Variants in RNF13 observed in about 807,000 individuals in gnomAD.
RNF13 encodes the protein E3 ubiquitin-protein ligase RNF13.
Under a neutral mutation model 37.7 loss-of-function variants are expected in RNF13, and 19 were observed. The observed-to-expected ratio is 0.50, with a 90% CI of 0.35 to 0.74. The LOEUF is 0.74. Ranked by LOEUF, RNF13 falls within the 30% of genes least tolerant of loss-of-function variation. The pLI is 0.01. For synonymous variants in RNF13, 144 were observed against 157.8 expected, an observed-to-expected ratio of 0.91 and a Z score of 0.65; for missense variants, 375 against 453.0, an observed-to-expected ratio of 0.83 and a Z score of 1.56.
At chr3:149,851,699 T>C (rs1020615252) in intron 2 of RNF13, 2 of 152,220 alleles carry the variant, frequency 1.3e-5, no homozygotes, top group Non-Finnish European at 1.5e-5. Flanking sequence ...TTTTCACTTG[T>C]GTTTCAAAAG....
rs908222205 is a variant in RNF13, at chr3:149,919,063, C to T, written c.607-2071C>T. Among the ~76,000 whole-genome samples the T allele has an allele frequency of 2.6e-4, 39 of 152,096 alleles. 2 individuals carry two copies. The Middle Eastern group carries it at 0.014, about 53-fold the overall frequency. On this transcript the variant is annotated intron_variant, in intron 7 of 9. Coordinates refer to ENST00000392894, the MANE Select transcript of RNF13 (RefSeq NM_183381.3). ...CTTCTGTGTAAATTTGCAATAATAA[C>T]TTTTACTTTCTTTTTCCTATTGATA...
intron 1 of RNF13, among the ~76,000 whole-genome samples, chr3:149,838,144 C>T (rs1241552402): frequency 1.3e-5 from 2 of 152,218 alleles, no homozygotes; most frequent in Non-Finnish European, 2.9e-5. Flanking sequence ...AGGTAGGTTC[C>T]TATGGTCTTG....
At chr3:149,937,050 A>G (rs1414404932) in intron 8 of RNF13, among the ~76,000 whole-genome samples, 3 of 152,156 alleles carry the variant, frequency 2.0e-5, no homozygotes, top group Non-Finnish European at 4.4e-5. Flanking sequence ...TTGTGCGCAG[A>G]GGACCCGTGG....
At chr3:149,832,890 C>T (rs925705996) in intron 1 of RNF13, among the ~76,000 whole-genome samples, 2 of 151,962 alleles carry the variant, frequency 1.3e-5, no homozygotes, top group Non-Finnish European at 2.9e-5. Flanking sequence ...CAAAAACATT[C>T]CAAGAAAGAA....
intron 6 of RNF13, among the ~76,000 whole-genome samples, chr3:149,906,236 G>A (rs1716381346): frequency 6.6e-6 from 1 of 152,012 alleles, no homozygotes; most frequent in South Asian, 2.1e-4. Flanking sequence ...ATCAGTTGAT[G>A]GATGGACATT....
At chr3:149,812,902 A>T (rs1420844253), upstream of RNF13, 1 of 152,510 alleles carries the variant, frequency 6.6e-6, no homozygotes, top group Non-Finnish European at 1.5e-5. Flanking sequence ...CTAGGGGCAC[A>T]TGGTTAGCGG....
intron 4 of RNF13, 30 bp downstream of exon 4, chr3:149,872,184 C>A: frequency 2.1e-6 from 3 of 1,425,426 alleles, no homozygotes; most frequent in South Asian, 2.7e-5. Context: ...TTTTTTGTTT[C>A]CTATTTGTTC....
chr3:149,951,348 G>A (rs770191327), intron 8 of RNF13, among the ~76,000 whole-genome samples: 6 of 152,168 alleles, frequency 3.9e-5, no homozygotes, highest in Non-Finnish European at 8.8e-5. Context: ...ATGCAAGTTG[G>A]GTGAGGAATT....
intron 1 of RNF13, among the ~76,000 whole-genome samples, chr3:149,831,135 G>C (rs1459139576): frequency 6.6e-6 from 1 of 152,248 alleles, no homozygotes; most frequent in South Asian, 2.1e-4. Context: ...CTTTGCTAGG[G>C]CAGTGTGGAA....
At chr3:149,881,298 C>A (rs1422966267) in intron 4 of RNF13, among the ~76,000 whole-genome samples, 4 of 152,028 alleles carry the variant, frequency 2.6e-5, no homozygotes, top group Non-Finnish European at 5.9e-5. Flanking sequence ...CATAGATTGA[C>A]TTTAAAATGA....
At chr3:149,843,446 A>G (rs990696810) in intron 1 of RNF13, among the ~76,000 whole-genome samples, 4 of 152,222 alleles carry the variant, frequency 2.6e-5, no homozygotes, top group Non-Finnish European at 5.9e-5. Context: ...ATTTTCCACA[A>G]TGAGCAAGAA....
intron 3 of RNF13, among the ~76,000 whole-genome samples, chr3:149,859,407 A>G (rs979943657): frequency 6.6e-6 from 1 of 152,212 alleles, no homozygotes; most frequent in African/African-American, 2.4e-5. Flanking sequence ...TTCATTTATT[A>G]AATGAAGCAG....
intron 1 of RNF13, among the ~76,000 whole-genome samples, chr3:149,829,065 T>C (rs1307844238): frequency 6.6e-6 from 1 of 152,200 alleles, no homozygotes; most frequent in Non-Finnish European, 1.5e-5. Flanking sequence ...ACAATTGGTA[T>C]GAAGGCCCTG....
At chr3:149,861,253 T>C (rs1453819871) in intron 3 of RNF13, among the ~76,000 whole-genome samples, 1 of 151,762 alleles carries the variant, frequency 6.6e-6, no homozygotes, top group African/African-American at 2.4e-5. Flanking sequence ...AATATAGCAC[T>C]ACCATAGGAC....
At chr3:149,960,624 C>T (rs971463345) in intron 9 of RNF13, 116 bp from the exon 10 acceptor site, 50 of 977,470 alleles carry the variant, frequency 5.1e-5, no homozygotes, top group Non-Finnish European at 6.4e-5. Flanking sequence ...AAAAAATAAA[C>T]TTTCTTCCCG....
chr3:149,822,615 T>C (rs1180206623), intron 1 of RNF13: 4 of 152,184 alleles, frequency 2.6e-5, no homozygotes, highest in African/African-American at 9.6e-5. Context: ...CTATGAAATA[T>C]GTTTTTAGCA....
intron 9 of RNF13, 124 bp from the exon 10 acceptor site, chr3:149,960,616 A>G (rs1722306837): frequency 2.1e-6 from 2 of 943,622 alleles, no homozygotes; most frequent in Non-Finnish European, 3.0e-6. Context: ...ATAAAAATAA[A>G]AAATAAACTT....
chr3:149,844,146 G>A lies in RNF13; in HGVS notation c.-16-1865G>A, dbSNP rs570938047. Among the ~76,000 whole-genome samples, 5 of 152,256 alleles carry A rather than the reference G, an allele frequency of 3.3e-5. No homozygotes were observed. In the South Asian group the frequency reaches 1.0e-3, roughly 32 times the overall value. ...TATACCTTATTTTGTAAATATTTGT[G>A]TGCTTTTATGGTATGATTTCTAACC... On this transcript the variant is annotated intron_variant, in intron 1 of 9. Coordinates refer to ENST00000392894, the MANE Select transcript of RNF13 (RefSeq NM_183381.3).
intron 1 of RNF13, among the ~76,000 whole-genome samples, chr3:149,829,344 C>T (rs1720818138): frequency 6.6e-6 from 1 of 152,172 alleles, no homozygotes; most frequent in Non-Finnish European, 1.5e-5. Context: ...GGGCGATCCT[C>T]CTGCCTCGGC....
Sources: gnomAD v4.1 joint callset for allele counts (sites outside exome capture counted in the v4.1 genomes callset) on GRCh38, gnomAD v4.1.1 for gene constraint, MANE v1.5 for transcripts, NCBI Gene and HGNC (gene_info 2026-07-23, HGNC 2026-07-21) for gene names.